The following STAC variants were observed in gnomAD, a reference collection of about 807,000 sequenced individuals.
STAC encodes the protein SH3 and cysteine-rich domain-containing protein.
STAC carries 43 observed loss-of-function variants against 48.8 expected under a neutral mutation model. That is an observed-to-expected ratio of 0.88 (90% CI 0.69 to 1.14). The LOEUF is 1.14. STAC is among the 50% of genes most tolerant of loss of function. The probability of loss-of-function intolerance (pLI) is 0.00; values close to 1 mark genes in which losing one functional copy is unlikely to be tolerated. For synonymous variants in STAC, 193 were observed against 179.5 expected, an observed-to-expected ratio of 1.07 and a Z score of -0.60; for missense variants, 497 against 504.0, an observed-to-expected ratio of 0.99 and a Z score of 0.13.
chr3:36,489,270 G>A (rs1697902576), intron 5 of STAC, among the ~76,000 whole-genome samples: 1 of 152,140 alleles, frequency 6.6e-6, no homozygotes. Flanking sequence ...CTGGCACATA[G>A]TGAATACTCA....
chr3:36,483,803 T>C (rs907486304), intron 3 of STAC, among the ~76,000 whole-genome samples: 1 of 152,128 alleles, frequency 6.6e-6, no homozygotes, highest in Non-Finnish European at 1.5e-5. Context: ...ATTTAAAAAT[T>C]AGCTGAGTGT....
intron 1 of STAC, among the ~76,000 whole-genome samples, chr3:36,430,226 T>C (rs549703278): frequency 2.2e-4 from 34 of 152,318 alleles, no homozygotes; most frequent in African/African-American, 7.5e-4. Context: ...ATGAAAAGAA[T>C]AGTCCTTGAC....
At chr3:36,538,706 TTAA>T (rs1304011836) in intron 10 of STAC, among the ~76,000 whole-genome samples, 6 of 152,192 alleles carry the variant, frequency 3.9e-5, no homozygotes, top group African/African-American at 1.4e-4. Context: ...GTTTGATAGA[TTAA>T]TAATATTTCA....
chr3:36,542,805 C>T (rs755766037), intron 10 of STAC, among the ~76,000 whole-genome samples: 5 of 152,226 alleles, frequency 3.3e-5, no homozygotes, highest in Non-Finnish European at 5.9e-5. Context: ...CAATAAATGT[C>T]AGCTGGGACA....
chr3:36,504,283 T>C lies in STAC; in HGVS notation c.767-110T>C, dbSNP rs376430022. The C allele has an allele frequency of 1.3e-4, 125 of 989,942 alleles. No homozygotes were observed. The Middle Eastern group carries it at 1.5e-3, about 12-fold the overall frequency. 61.3% of individuals were successfully genotyped at this position (989,942 alleles called of 1,614,324 possible). ...CAGAGGGTGAGGAAAAGGCAATAAGTAGTAAAGTAGAAGCTATGGTACTTA... is the reference window on the plus strand; with the variant it reads ...CAGAGGGTGAGGAAAAGGCAATAAGCAGTAAAGTAGAAGCTATGGTACTTA... On this transcript the variant is annotated intron_variant, in intron 6 of 10. Transcript: ENST00000273183.
At chr3:36,469,279 C>T (rs963215612) in intron 2 of STAC, among the ~76,000 whole-genome samples, 12 of 152,056 alleles carry the variant, frequency 7.9e-5, no homozygotes, top group African/African-American at 2.7e-4. Flanking sequence ...GCAGTGCTGG[C>T]TTGGTAGTGG....
chr3:36,468,027 A>C (rs997029879), intron 2 of STAC, among the ~76,000 whole-genome samples: 1 of 152,074 alleles, frequency 6.6e-6, no homozygotes, highest in African/African-American at 2.4e-5. Context: ...TGTATCCCAG[A>C]GGTTTTGATA....
intron 2 of STAC, among the ~76,000 whole-genome samples, chr3:36,469,989 A>C (rs1231686075): frequency 2.0e-5 from 3 of 151,842 alleles, no homozygotes; most frequent in African/African-American, 7.2e-5. Context: ...CATGTTTTTT[A>C]TTTCTTTAAG....
chr3:36,531,922 A>T (rs1253544119), intron 10 of STAC, among the ~76,000 whole-genome samples: 1 of 152,214 alleles, frequency 6.6e-6, no homozygotes, highest in East Asian at 1.9e-4. Context: ...GGTAGTAAAA[A>T]ACTTAATGGC....
intron 1 of STAC, among the ~76,000 whole-genome samples, chr3:36,419,865 G>A (rs150793882): frequency 2.4e-4 from 37 of 152,298 alleles, no homozygotes; most frequent in Non-Finnish European, 5.0e-4. Flanking sequence ...AGCTCAGCCT[G>A]TCAAAGCACC....
intron 8 of STAC, among the ~76,000 whole-genome samples, chr3:36,514,461 C>A (rs1008607708): frequency 6.6e-6 from 1 of 151,838 alleles, no homozygotes; most frequent in South Asian, 2.1e-4. Context: ...CTGTTATATT[C>A]TTTCATGATG....
chr3:36,484,817 T>C (rs74975922), intron 3 of STAC, among the ~76,000 whole-genome samples, 160 bp from the exon 4 acceptor site: 2,586 of 152,302 alleles, frequency 0.017, 22 homozygotes, highest in Non-Finnish European at 0.021. Flanking sequence ...TCTGTGTCCC[T>C]GCTGGGATTA....
intron 1 of STAC, among the ~76,000 whole-genome samples, chr3:36,411,457 T>A (rs908349689): frequency 1.3e-5 from 2 of 152,212 alleles, no homozygotes; most frequent in African/African-American, 4.8e-5. Flanking sequence ...TCCTTGATGT[T>A]CCTCAAACAC....
chr3:36,456,438 A>T, intron 2 of STAC, among the ~76,000 whole-genome samples: 1 of 152,268 alleles, frequency 6.6e-6, no homozygotes, highest in East Asian at 1.9e-4. Context: ...TCAAGTTTAA[A>T]TGAGCCAGTA....
rs181631046 is a variant in STAC, at chr3:36,454,488, C to T, written c.388+10848C>T. Among the ~76,000 whole-genome samples the T allele has an allele frequency of 6.4e-4, 97 of 152,226 alleles. 1 individual carries two copies. Among genetic ancestry groups the T allele is most frequent in the African/African-American group, 2.1e-3 (89 of 41,548 alleles). Reference sequence around the variant, plus strand: ...CACCATTAAGAACTGTAACACTCACCGCGAGGGTCCGAGGCTTCATTCTTG... The same window carrying T: ...CACCATTAAGAACTGTAACACTCACTGCGAGGGTCCGAGGCTTCATTCTTG... On this transcript the variant is annotated intron_variant, in intron 2 of 10. Transcript: ENST00000273183.
chr3:36,398,579 AGG>A lies in STAC; in HGVS notation c.111+17826_111+17827del, dbSNP rs1559477378. On this transcript the variant is annotated intron_variant, in intron 1 of 10. Coordinates refer to ENST00000273183, the MANE Select transcript of STAC (RefSeq NM_003149.3). ...AGAGAGGGAAGGAAGGAAGGAAGGA[AGG>A]AAGGAAGGAAGGAAGGAAGAAAGGA... is the stretch of plus-strand genomic sequence containing the variant. Among the ~76,000 whole-genome samples, 53 of 80,818 alleles carry A rather than the reference AGG, an allele frequency of 6.6e-4. 3 individuals carry two copies. Among genetic ancestry groups the A allele is most frequent in the African/African-American group, 2.9e-3 (48 of 16,812 alleles). 53.0% of individuals were successfully genotyped at this position (80,818 alleles called of 152,430 possible). A position where few individuals can be genotyped will look rare whatever the true frequency, so the allele number is the denominator to read the frequency against.
chr3:36,547,155 A>G lies in STAC; in HGVS notation c.*866A>G, dbSNP rs1252714586. On this transcript the variant is annotated 3_prime_UTR_variant, in exon 11 of 11. Transcript: ENST00000273183. Reference sequence around the variant, plus strand: ...TGGACCTGGGGAAGAGACTATCACAAAAAGTCTCCATTTTCATTTTACATC... The same window carrying G: ...TGGACCTGGGGAAGAGACTATCACAGAAAGTCTCCATTTTCATTTTACATC... The G allele has an allele frequency of 6.6e-6, 1 of 152,214 alleles. No homozygotes were observed. The highest frequency in any genetic ancestry group is 1.5e-5 in the Non-Finnish European group (1 of 68,046). 9.4% of individuals were successfully genotyped at this position (152,214 alleles called of 1,614,324 possible). A position where few individuals can be genotyped will look rare whatever the true frequency, so the allele number is the denominator to read the frequency against.
In STAC at chr3:36,486,154, C is replaced by T; in HGVS notation, c.592C>T (p.Pro198Ser). 1 of 1,613,610 alleles carries T rather than the reference C, an allele frequency of 6.2e-7. No individual in the cohort carries two copies. ...TGCAGCCTGTGGCAATAAGGTGGAC[C>T]CTGTCTACGAGACCCTCCGCTTCGG... is the stretch of plus-strand genomic sequence containing the variant. ...MPIACGNKVD[P>S]VYETLRFGTS... The change falls in exon 5 of 11, where the codon CCT becomes TCT. Residue 198 changes from proline (P) to serine (S), a missense_variant. Transcript: ENST00000273183.
rs1419478318 is a variant in STAC at position 36,380,518 on chromosome 3, C to A, written c.-126C>A. The stretch of plus-strand genomic sequence containing the variant: ...GCGAGGCTGGAGGAGGGCACGTCGG[C>A]GCCTCGGCGAGGATGGGAGTCCCCA... On this transcript the variant is annotated 5_prime_UTR_variant, in exon 1 of 11. Transcript: ENST00000273183. The A allele has an allele frequency of 2.9e-6, 2 of 680,270 alleles. No individual in the cohort carries two copies. The highest frequency in any genetic ancestry group is 1.8e-5 in the South Asian group (1 of 54,998). The allele number at this position is 680,270 out of a possible 1,614,324, so 42.1% of individuals were successfully genotyped here.
Sources: allele counts gnomAD v4.1 joint callset (sites outside exome capture counted in the v4.1 genomes callset), GRCh38; gene constraint gnomAD v4.1.1; transcripts MANE v1.5; gene names NCBI Gene and HGNC (gene_info 2026-07-23, HGNC 2026-07-21).